DENND5B: variants seen among roughly 807,000 people sequenced by gnomAD.
The protein encoded by DENND5B is DENN domain-containing protein 5B.
Under a neutral mutation model 140.6 loss-of-function variants are expected in DENND5B, and 34 were observed. That is an observed-to-expected ratio of 0.24 (90% confidence interval 0.18 to 0.32). The LOEUF (loss-of-function observed/expected upper bound fraction) is 0.32, where lower values mean the gene tolerates loss of function less well. DENND5B is among the 10% of genes least tolerant of loss of function. The pLI is 1.00. For missense variants in DENND5B, 1,142 were observed against 1,560.2 expected (o/e 0.73, Z 4.52); for synonymous variants, 551 against 562.1 (o/e 0.98, Z 0.28).
rs1027830439 is a variant in DENND5B, at chr12:31,402,513, G to A, written c.2934C>T (p.Leu978=). 10 of 1,613,284 alleles carry A rather than the reference G, an allele frequency of 6.2e-6. No homozygotes were observed. The Admixed American group carries it at 1.2e-4, about 19-fold the overall frequency. Residue 978 remains leucine (L), a synonymous_variant, in exon 15 of 21, where the codon CTC becomes CTT. Coordinates refer to ENST00000389082, the MANE Select transcript of DENND5B (RefSeq NM_144973.4). ...TGVMQIPKNL[L]EMTFECQNLG... is the part of the protein sequence containing the mutation. ...CTGAACCTACCTCAAAGGTCATTTC[G>A]AGGAGGTTTTTGGGAATCTGCATTA...
At chr12:31,447,944 G>C (rs547548739) in intron 5 of DENND5B, among the ~76,000 whole-genome samples, 175 bp from the exon 6 acceptor site, 1 of 152,090 alleles carries the variant, frequency 6.6e-6, no homozygotes, top group East Asian at 1.9e-4. Context: ...TAAATTTAGA[G>C]AATGTACGTC....
chr12:31,487,468 C>T (rs889301275), intron 2 of DENND5B, among the ~76,000 whole-genome samples: 3 of 152,088 alleles, frequency 2.0e-5, no homozygotes, highest in South Asian at 2.1e-4. Flanking sequence ...GAGGCTGAGA[C>T]GGGTGGATTG....
intron 6 of DENND5B, among the ~76,000 whole-genome samples, chr12:31,446,493 G>A (rs1944281330): frequency 6.6e-6 from 1 of 152,138 alleles, no homozygotes; most frequent in Admixed American, 6.5e-5. Context: ...ATAATTAATG[G>A]CACTACTAAA....
At chr12:31,494,306 G>T (rs1946680506) in intron 2 of DENND5B, among the ~76,000 whole-genome samples, 1 of 151,492 alleles carries the variant, frequency 6.6e-6, no homozygotes, top group Non-Finnish European at 1.5e-5. Context: ...CAAACTCCTG[G>T]GCTCAAGCAG....
At chr12:31,428,892 C>T (rs554081151) in intron 8 of DENND5B, among the ~76,000 whole-genome samples, 50 of 152,154 alleles carry the variant, frequency 3.3e-4, no homozygotes, top group African/African-American at 6.5e-4. Flanking sequence ...CCACCACACC[C>T]GGCTATTTTT....
chr12:31,548,543 C>A (rs1302302506), intron 1 of DENND5B, among the ~76,000 whole-genome samples: 1 of 152,164 alleles, frequency 6.6e-6, no homozygotes, highest in Non-Finnish European at 1.5e-5. Flanking sequence ...GACTCCTGAA[C>A]CTAGTTCAAT....
chr12:31,480,181 A>C lies in DENND5B; in HGVS notation c.312T>G (p.Ile104Met). 6.2e-7 allele frequency: 1 copy of C among 1,603,530 alleles called. No homozygotes were observed. Among genetic ancestry groups the C allele is most frequent in the Non-Finnish European group, 8.5e-7 (1 of 1,174,792 alleles). ...AGGTGCGAGAACCATCTTCCCTGGT[A>C]ATTATAAATGAGTGAAACTGGGGGT... ...NKDPQFHSFI[I>M]TREDGSRTYG... is the part of the protein sequence containing the mutation. Residue 104 changes from isoleucine to methionine, a missense_variant, in exon 3 of 21, where the codon ATT becomes ATG. Physicochemically the swap from Ile to Met is conservative, Grantham distance 10. Around this residue, in one of 5 missense-constraint regions of DENND5B, gnomAD observed 708 missense variants for 905.5 expected, o/e 0.78. Coordinates refer to ENST00000389082, the MANE Select transcript of DENND5B (RefSeq NM_144973.4).
chr12:31,562,622 A>G (rs2139337856), intron 1 of DENND5B, among the ~76,000 whole-genome samples: 1 of 152,306 alleles, frequency 6.6e-6, no homozygotes, highest in East Asian at 1.9e-4. Flanking sequence ...CTTTAAAAAA[A>G]AAAATGAAAT....
At chr12:31,426,725 G>C in intron 8 of DENND5B, 1 of 272,894 alleles carries the variant, frequency 3.7e-6, no homozygotes, top group East Asian at 9.6e-5. Flanking sequence ...AAAAGGTTGT[G>C]AAGTCAGGAC....
chr12:31,454,624 T>G (rs1258685657), intron 4 of DENND5B, among the ~76,000 whole-genome samples: 1 of 151,538 alleles, frequency 6.6e-6, no homozygotes, highest in African/African-American at 2.4e-5. Flanking sequence ...TTTATATTCT[T>G]AGTAGAGATG....
chr12:31,460,442 A>C, intron 3 of DENND5B, 61 bp from the exon 4 acceptor site: 1 of 1,518,324 alleles, frequency 6.6e-7, no homozygotes, highest in East Asian at 2.3e-5. Flanking sequence ...TCACTTCATT[A>C]AGCTGGAAAA....
chr12:31,569,992 G>A (rs952675684), intron 1 of DENND5B, among the ~76,000 whole-genome samples: 7 of 151,926 alleles, frequency 4.6e-5, no homozygotes, highest in African/African-American at 1.2e-4. Flanking sequence ...TCAGGAGATC[G>A]AGACCATCCT....
intron 9 of DENND5B, among the ~76,000 whole-genome samples, chr12:31,425,629 C>T (rs1943195364): frequency 6.6e-6 from 1 of 152,152 alleles, no homozygotes; most frequent in African/African-American, 2.4e-5. Flanking sequence ...GTCTTAGTAG[C>T]TTTTATAAAA....
At chr12:31,565,282 T>C (rs890272972) in intron 1 of DENND5B, among the ~76,000 whole-genome samples, 5 of 152,026 alleles carry the variant, frequency 3.3e-5, no homozygotes, top group Admixed American at 3.3e-4. Flanking sequence ...TAGTCCCAAC[T>C]ACTTGGGAGA....
At chr12:31,558,572 A>G (rs1174450731) in intron 1 of DENND5B, among the ~76,000 whole-genome samples, 1 of 152,166 alleles carries the variant, frequency 6.6e-6, no homozygotes, top group Non-Finnish European at 1.5e-5. Context: ...GTTTATTCTG[A>G]CCTATGCAAA....
intron 1 of DENND5B, among the ~76,000 whole-genome samples, chr12:31,513,708 A>C (rs1423724078): frequency 6.6e-6 from 1 of 152,136 alleles, no homozygotes; most frequent in Admixed American, 6.6e-5. Context: ...CAGCAGTATA[A>C]GGCTCATATT....
chr12:31,420,747 C>T (rs1272891826), intron 11 of DENND5B, among the ~76,000 whole-genome samples: 1 of 152,034 alleles, frequency 6.6e-6, no homozygotes, highest in Non-Finnish European at 1.5e-5. Context: ...CTCAGTCCTC[C>T]CAACGAATTT....
At chr12:31,554,026 G>C (rs1346445357) in intron 1 of DENND5B, among the ~76,000 whole-genome samples, 1 of 152,122 alleles carries the variant, frequency 6.6e-6, no homozygotes, top group Non-Finnish European at 1.5e-5. Context: ...CAATTTGCCA[G>C]TCTGTGTCTT....
chr12:31,566,539 T>C (rs940460860), intron 1 of DENND5B, among the ~76,000 whole-genome samples: 1 of 151,482 alleles, frequency 6.6e-6, no homozygotes, highest in Non-Finnish European at 1.5e-5. Context: ...GAGGCAGAGG[T>C]GGGAGGATCA....
Sources: allele counts gnomAD v4.1 joint callset (sites outside exome capture counted in the v4.1 genomes callset), GRCh38; gene constraint gnomAD v4.1.1; regional missense constraint gnomAD v4.1.1; transcripts MANE v1.5; gene names NCBI Gene and HGNC (gene_info 2026-07-23, HGNC 2026-07-21).